The following CDC25C variants were observed in gnomAD, a reference collection of about 807,000 sequenced individuals.
The protein encoded by CDC25C is cell division cycle 25C, also known as M-phase inducer phosphatase 3.
Under a neutral mutation model 52.5 loss-of-function variants are expected in CDC25C, and 48 were observed. That is an observed-to-expected ratio of 0.91 (90% confidence interval 0.72 to 1.16). The LOEUF (loss-of-function observed/expected upper bound fraction) is 1.16, where lower values mean the gene tolerates loss of function less well. Ranked by LOEUF, CDC25C falls within the 50% of genes most tolerant of loss-of-function variation. CDC25C has a pLI of 0.00. For missense variants in CDC25C, 510 were observed against 566.1 expected (o/e 0.90, Z 1.01); for synonymous variants, 187 against 206.5 (o/e 0.91, Z 0.81).
intron 7 of CDC25C, among the ~76,000 whole-genome samples, chr5:138,295,608 GTCTTC>G (rs926922421): frequency 2.7e-5 from 4 of 147,588 alleles, no homozygotes; most frequent in African/African-American, 5.0e-5. Flanking sequence ...GCAAGATCCT[GTCTTC>G]TCTTAAGAAA....
At chr5:138,331,995 A>G (rs562020799), upstream of CDC25C, 13 of 772,666 alleles carry the variant, frequency 1.7e-5, no homozygotes, top group East Asian at 1.5e-3. Flanking sequence ...CCCCATAGCC[A>G]GAGCAGGATA....
chr5:138,317,271 G>A (rs1205897729), intron 7 of CDC25C, among the ~76,000 whole-genome samples: 1 of 151,816 alleles, frequency 6.6e-6, no homozygotes, highest in Non-Finnish European at 1.5e-5. Context: ...AAAGCATGAG[G>A]ACTAGAATGC....
In CDC25C at chr5:138,331,755, C is replaced by CA. The variant is rs1056634530; in HGVS notation, c.-200dup. ...CGACTGGGTAGGCCAACGTCGGACT[C>CA]AGAGTCTTCCCTGAGCAGAAGGCCA... On this transcript the variant is annotated 5_prime_UTR_variant, in exon 1 of 14. Coordinates refer to ENST00000323760, the MANE Select transcript of CDC25C (RefSeq NM_001790.5). 1.0e-6 allele frequency: 1 copy of CA among 988,406 alleles called. No individual in the cohort carries two copies. Among genetic ancestry groups the CA allele is most frequent in the Non-Finnish European group, 1.2e-6 (1 of 831,674 alleles). 61.2% of individuals were successfully genotyped at this position (988,406 alleles called of 1,614,324 possible).
intron 8 of CDC25C, among the ~76,000 whole-genome samples, chr5:138,291,419 CTT>C (rs572826668): frequency 1.1e-4 from 15 of 138,770 alleles, no homozygotes; most frequent in Non-Finnish European, 6.3e-5. Context: ...CAACATTTCT[CTT>C]TTTTTTTTTT....
chr5:138,304,104 C>T (rs1270284400), intron 7 of CDC25C, among the ~76,000 whole-genome samples: 5 of 152,184 alleles, frequency 3.3e-5, no homozygotes, highest in African/African-American at 1.2e-4. Context: ...TCCTTCACAG[C>T]CTGCACCCAA....
intron 4 of CDC25C, among the ~76,000 whole-genome samples, chr5:138,327,156 G>A (rs914408632): frequency 2.0e-5 from 3 of 151,366 alleles, no homozygotes; most frequent in Non-Finnish European, 2.9e-5. Flanking sequence ...TCAGGAGTCC[G>A]AGGCAGGAGA....
At chr5:138,309,657 T>C (rs1044369933) in intron 7 of CDC25C, among the ~76,000 whole-genome samples, 1 of 151,228 alleles carries the variant, frequency 6.6e-6, no homozygotes, top group Non-Finnish European at 1.5e-5. Context: ...TATTATACTA[T>C]CAAGAGCTCA....
chr5:138,288,253 T>A (rs891282592), intron 10 of CDC25C, among the ~76,000 whole-genome samples: 4 of 152,116 alleles, frequency 2.6e-5, no homozygotes, highest in Non-Finnish European at 5.9e-5. Flanking sequence ...TTTTATATTT[T>A]TAGTAGAGAC....
At chr5:138,315,627 T>C (rs947293001) in intron 7 of CDC25C, among the ~76,000 whole-genome samples, 1 of 152,242 alleles carries the variant, frequency 6.6e-6, no homozygotes, top group African/African-American at 2.4e-5. Flanking sequence ...GGACATAAAC[T>C]GCTTTTAATA....
intron 7 of CDC25C, among the ~76,000 whole-genome samples, chr5:138,295,163 G>A (rs1295443961): frequency 6.6e-6 from 1 of 152,126 alleles, no homozygotes; most frequent in Non-Finnish European, 1.5e-5. Context: ...TATATGCATA[G>A]GTCTATTTCT....
chr5:138,329,862 C>T (rs1372477695), intron 2 of CDC25C, among the ~76,000 whole-genome samples: 1 of 151,538 alleles, frequency 6.6e-6, no homozygotes, highest in Non-Finnish European at 1.5e-5. Flanking sequence ...TCCCAAATAG[C>T]TGGGATCACA....
intron 4 of CDC25C, among the ~76,000 whole-genome samples, 186 bp downstream of exon 4, chr5:138,328,298 T>C (rs1414755760): frequency 6.6e-6 from 1 of 152,226 alleles, no homozygotes; most frequent in Admixed American, 6.5e-5. Context: ...ATGAATAGCC[T>C]TCATTTTCAC....
intron 4 of CDC25C, among the ~76,000 whole-genome samples, chr5:138,327,859 T>C (rs954524523): frequency 6.6e-6 from 1 of 151,990 alleles, no homozygotes; most frequent in Non-Finnish European, 1.5e-5. Context: ...GCTTATACTC[T>C]GTACTTTCTT....
chr5:138,331,218 G>C lies in CDC25C; in HGVS notation c.-38C>G, dbSNP rs776051095. The C allele has an allele frequency of 2.9e-5, 46 of 1,594,656 alleles. No individual in the cohort carries two copies. Among genetic ancestry groups the C allele is most frequent in the Non-Finnish European group, 3.6e-5 (42 of 1,163,478 alleles). On this transcript the variant is annotated splice_region_variant and 5_prime_UTR_variant, in exon 2 of 14. Coordinates refer to ENST00000323760, the MANE Select transcript of CDC25C (RefSeq NM_001790.5). ...CTCACCAGGAGAAAAACAAAACCTA[G>C]CTAGGAGGAAAACGTCATCTAAATC...
At chr5:138,294,465 C>T (rs1331845008) in intron 7 of CDC25C, among the ~76,000 whole-genome samples, 8 of 146,842 alleles carry the variant, frequency 5.4e-5, no homozygotes, top group Admixed American at 4.1e-4. Flanking sequence ...TCTGGGATTA[C>T]AAGTGTGAGC....
At position 138,285,608 on chromosome 5, in the gene CDC25C, T is replaced by C; in HGVS notation, c.*84A>G. On this transcript the variant is annotated 3_prime_UTR_variant, in exon 14 of 14. Coordinates refer to ENST00000323760, the MANE Select transcript of CDC25C (RefSeq NM_001790.5). Reference sequence around the variant, plus strand: ...GAGACATCTTTTAATAATCTTGGGTTTGGCCATCCAGAAGGCCTCTTTCTG... The same window carrying C: ...GAGACATCTTTTAATAATCTTGGGTCTGGCCATCCAGAAGGCCTCTTTCTG... The C allele has an allele frequency of 7.9e-7, 1 of 1,265,004 alleles. No individual in the cohort carries two copies. The highest frequency in any genetic ancestry group is 1.5e-5 in the African/African-American group (1 of 67,522). The allele number at this position is 1,265,004 out of a possible 1,614,324, so 78.4% of individuals were successfully genotyped here.
chr5:138,338,277 G>A, exon 1 of CDC25C: 1 of 915,702 alleles, frequency 1.1e-6, no homozygotes, highest in Non-Finnish European at 1.5e-6. Flanking sequence ...GAGCTGCTCC[G>A]GCCGCGGCCC....
At chr5:138,322,022 T>G (rs1759446515) in intron 6 of CDC25C, among the ~76,000 whole-genome samples, 1 of 151,964 alleles carries the variant, frequency 6.6e-6, no homozygotes. Context: ...TATTTTTTGA[T>G]ACAGAGACAT....
intron 7 of CDC25C, among the ~76,000 whole-genome samples, chr5:138,307,905 G>C (rs1758144766): frequency 6.6e-6 from 1 of 152,066 alleles, no homozygotes; most frequent in Non-Finnish European, 1.5e-5. Context: ...GTGGGGATAT[G>C]GTTTCAGGAT....
Sources: allele counts gnomAD v4.1 joint callset (sites outside exome capture counted in the v4.1 genomes callset), GRCh38; gene constraint gnomAD v4.1.1; transcripts MANE v1.5; gene names NCBI Gene and HGNC (gene_info 2026-07-23, HGNC 2026-07-21).